CD300E: variants seen among roughly 807,000 people sequenced by gnomAD.
CD300E encodes the protein CMRF35-like molecule 2.
CD300E carries 14 observed loss-of-function variants against 20.9 expected under a neutral mutation model. That is an observed-to-expected ratio of 0.67 (90% CI 0.44 to 1.05). CD300E has a LOEUF of 1.05. Among genes scored for constraint, CD300E ranks in the 50% least tolerant of loss-of-function variants. The pLI, the probability that CD300E is intolerant of heterozygous loss-of-function variation, is 0.00. For missense variants in CD300E, 237 were observed against 253.9 expected, an observed-to-expected ratio of 0.93 and a Z score of 0.45; for synonymous variants, 102 against 103.7, an observed-to-expected ratio of 0.98 and a Z score of 0.10.
Position 74,613,911 on chromosome 17 carries a change from C to G in CD300E, c.497+14G>C, listed in dbSNP as rs540861402. ...GGTTGCTCCCTCCATGGCCTCCAGG[C>G]CCTGCGTGCTTACCCTGAATTTTGG... is the stretch of plus-strand genomic sequence containing the variant. On this transcript the variant is annotated intron_variant, in intron 3 of 3. Transcript: ENST00000392619. 3 of 1,597,834 alleles carry G rather than the reference C, an allele frequency of 1.9e-6. No individual in the cohort carries two copies. Among genetic ancestry groups the G allele is most frequent in the East Asian group, 4.5e-5 (2 of 44,754 alleles).
At position 74,612,379 on chromosome 17, in the gene CD300E, T is replaced by C; in HGVS notation, c.*274A>G. ...GAGCTGGGATTATAGGCACTCGCTA[T>C]GGTGCCCGGCCAACTTCCAGGGAAT... On this transcript the variant is annotated 3_prime_UTR_variant, in exon 4 of 4. Transcript: ENST00000392619. 6.9e-6 allele frequency: 2 copies of C among 290,858 alleles called. No homozygotes were observed. The highest frequency in any genetic ancestry group is 1.0e-4 in the South Asian group (2 of 20,054). 18.0% of individuals were successfully genotyped at this position (290,858 alleles called of 1,614,324 possible).
chr17:74,621,851 G>T (rs1022694426), intron 1 of CD300E, among the ~76,000 whole-genome samples: 1 of 152,124 alleles, frequency 6.6e-6, no homozygotes, highest in African/African-American at 2.4e-5. Flanking sequence ...AATGCTATTT[G>T]CCCTGCCTGG....
chr17:74,616,963 C>T (rs1246425662), intron 2 of CD300E, among the ~76,000 whole-genome samples, 155 bp downstream of exon 2: 1 of 152,234 alleles, frequency 6.6e-6, no homozygotes, highest in Middle Eastern at 3.4e-3. Context: ...AAGGATCAGC[C>T]GCCTCTCTCC....
At chr17:74,620,297 C>A (rs966072402) in intron 1 of CD300E, among the ~76,000 whole-genome samples, 4 of 151,980 alleles carry the variant, frequency 2.6e-5, no homozygotes, top group Non-Finnish European at 4.4e-5. Flanking sequence ...CATGGTGAAA[C>A]CCCGTCTATA....
At chr17:74,612,821 A>G (rs1439748226) in intron 3 of CD300E, 48 bp from the exon 4 acceptor site, 12 of 1,605,690 alleles carry the variant, frequency 7.5e-6, no homozygotes, top group Non-Finnish European at 1.0e-5. Flanking sequence ...GAGAACCCCC[A>G]GGACCCTTCT....
Position 74,610,406 on chromosome 17 carries a change from C to T in CD300E, c.*2247G>A, listed in dbSNP as rs2030751379. The T allele has an allele frequency of 6.6e-6, 1 of 152,308 alleles. No individual in the cohort carries two copies. Among genetic ancestry groups the T allele is most frequent in the African/African-American group, 2.4e-5 (1 of 41,428 alleles). The allele number at this position is 152,308 out of a possible 1,614,324, so 9.4% of individuals were successfully genotyped here. Reference sequence around the variant, plus strand: ...TCTCCAGCCCTCAACACTCTGCTAACCCACATCTCTAGCTATCTGCTAGAC... The same window carrying T: ...TCTCCAGCCCTCAACACTCTGCTAATCCACATCTCTAGCTATCTGCTAGAC... On this transcript the variant is annotated 3_prime_UTR_variant, in exon 4 of 4. Transcript: ENST00000392619.
At chr17:74,623,534 G>A (rs753043255) in intron 1 of CD300E, 48 bp downstream of exon 1, 3 of 1,603,010 alleles carry the variant, frequency 1.9e-6, no homozygotes, top group Non-Finnish European at 8.5e-7. Flanking sequence ...TCTACCTACT[G>A]TCCTGCCCCC....
rs1344118996 is a variant in CD300E at position 74,610,666 on chromosome 17, A to C, written c.*1987T>G. ...CAAATCCATCCCACCATAGCTAATCAAAGTTTAAGTAAGAGTTGAGTCCTA... is the reference window on the plus strand; with the variant it reads ...CAAATCCATCCCACCATAGCTAATCCAAGTTTAAGTAAGAGTTGAGTCCTA... On this transcript the variant is annotated 3_prime_UTR_variant, in exon 4 of 4. Transcript: ENST00000392619. 1 of 152,146 alleles carries C rather than the reference A, an allele frequency of 6.6e-6. No individual in the cohort carries two copies. Among genetic ancestry groups the C allele is most frequent in the Non-Finnish European group, 1.5e-5 (1 of 68,038 alleles). 9.4% of individuals were successfully genotyped at this position (152,146 alleles called of 1,614,324 possible).
At chr17:74,614,474 TC>T (rs528703727) in intron 2 of CD300E, among the ~76,000 whole-genome samples, 3 of 122,294 alleles carry the variant, frequency 2.5e-5, no homozygotes, top group Admixed American at 8.2e-5. Flanking sequence ...ATGTGGACAC[TC>T]TTTTTTTTTT....
In CD300E at chr17:74,612,670, C is replaced by G; in HGVS notation, c.601G>C (p.Ala201Pro). 6.2e-7 allele frequency: 1 copy of G among 1,613,632 alleles called. No homozygotes were observed. Among genetic ancestry groups the G allele is most frequent in the African/African-American group, 1.3e-5 (1 of 75,002 alleles). Residue 201 changes from alanine (A) to proline (P), a missense_variant, in exon 4 of 4, where the codon GCT becomes CCT. Transcript: ENST00000392619. The stretch of plus-strand genomic sequence containing the variant: ...GCCTGGCTCTATCTTCCAGGAGGAG[C>G]CCACTGAGGCCTGTTCACCCAGAAG... ...AVFWVNRPQW[A>P]PPGR
intron 1 of CD300E, among the ~76,000 whole-genome samples, chr17:74,619,633 C>T (rs1233821241): frequency 6.6e-6 from 1 of 152,090 alleles, no homozygotes; most frequent in Non-Finnish European, 1.5e-5. Flanking sequence ...CATACACACA[C>T]ACACACACTG....
intron 3 of CD300E, 120 bp downstream of exon 3, chr17:74,613,805 G>C: frequency 3.1e-6 from 2 of 645,888 alleles, no homozygotes; most frequent in Non-Finnish European, 5.6e-6. Flanking sequence ...TGAGAATCAG[G>C]ACCAGAGATG....
At position 74,611,495 on chromosome 17, in the gene CD300E, C is replaced by T. The variant is rs2030777572; in HGVS notation, c.*1158G>A. ...TTAGGGAAACAGAGTAATTGACAAA[C>T]ATTCAGAAAACCAACTGAGCTCATT... On this transcript the variant is annotated 3_prime_UTR_variant, in exon 4 of 4. Transcript: ENST00000392619. 1 of 152,282 alleles carries T rather than the reference C, an allele frequency of 6.6e-6. No individual in the cohort carries two copies. The highest frequency in any genetic ancestry group is 1.5e-5 in the Non-Finnish European group (1 of 68,078). The allele number at this position is 152,282 out of a possible 1,614,324, so 9.4% of individuals were successfully genotyped here.
At chr17:74,615,617 C>T (rs1270131178) in intron 2 of CD300E, among the ~76,000 whole-genome samples, 1 of 152,098 alleles carries the variant, frequency 6.6e-6, no homozygotes, top group African/African-American at 2.4e-5. Flanking sequence ...ACAGGGCGAC[C>T]AACTTTCCCA....
intron 1 of CD300E, among the ~76,000 whole-genome samples, chr17:74,622,966 G>C (rs2031052116): frequency 6.6e-6 from 1 of 152,114 alleles, no homozygotes; most frequent in South Asian, 2.1e-4. Context: ...TCAAACTCCT[G>C]ACCTCAGGTG....
rs2030924700 is a variant in CD300E, at chr17:74,617,326, G to T, written c.180C>A (p.Ser60Arg). 1.9e-6 allele frequency: 3 copies of T among 1,614,156 alleles called. No homozygotes were observed. In the East Asian group the frequency reaches 6.7e-5, roughly 36 times the overall value. ...TCTCTTCTCCCTTGGTCTCCACAAT[G>T]CTCTCACATGACGTGTCGTACTGTC... ...CRGQYDTSCESIVETKGEEKV... is the reference protein window; with the variant it reads ...CRGQYDTSCERIVETKGEEKV... The change falls in exon 2 of 4, where the codon AGC becomes AGA. Residue 60 changes from serine (S) to arginine (R), a missense_variant. Ser to Arg is a moderately radical substitution (Grantham distance 110, BLOSUM62 -1). Coordinates refer to ENST00000392619, the MANE Select transcript of CD300E (RefSeq NM_181449.3).
intron 1 of CD300E, among the ~76,000 whole-genome samples, chr17:74,623,256 C>A (rs948031068): frequency 2.6e-5 from 4 of 152,160 alleles, no homozygotes; most frequent in African/African-American, 9.7e-5. Flanking sequence ...GTGAGGGGTT[C>A]CTGTTGCATA....
chr17:74,614,778 G>C (rs556703199), intron 2 of CD300E, among the ~76,000 whole-genome samples: 1 of 152,076 alleles, frequency 6.6e-6, no homozygotes, highest in Admixed American at 6.5e-5. Context: ...CACCGCGCCC[G>C]GCCCATGTGG....
At position 74,623,726 on chromosome 17, in the gene CD300E, C is replaced by T; in HGVS notation, c.-105G>A. 1.7e-6 allele frequency: 2 copies of T among 1,192,290 alleles called. No homozygotes were observed. Among genetic ancestry groups the T allele is most frequent in the Non-Finnish European group, 2.5e-6 (2 of 795,906 alleles). The allele number at this position is 1,192,290 out of a possible 1,614,324, so 73.9% of individuals were successfully genotyped here. On this transcript the variant is annotated 5_prime_UTR_variant, in exon 1 of 4. Transcript: ENST00000392619. ...ATCCACTTTCTACTTGTCCAAGTTT[C>T]CTTTGTGTTCTCACTCATCTATTTC...
Sources: allele counts gnomAD v4.1 joint callset (sites outside exome capture counted in the v4.1 genomes callset), GRCh38; gene constraint gnomAD v4.1.1; transcripts MANE v1.5; gene names NCBI Gene and HGNC (gene_info 2026-07-23, HGNC 2026-07-21).